The following ANPEP variants were observed in gnomAD, a reference collection of about 807,000 sequenced individuals.
ANPEP encodes aminopeptidase N.
In ANPEP, 70 loss-of-function variants were observed where a neutral mutation model predicts 114.6. The observed-to-expected ratio is 0.61, with a 90% CI of 0.50 to 0.75. The LOEUF is 0.75. Among genes scored for constraint, ANPEP ranks in the 30% least tolerant of loss-of-function variants. ANPEP has a pLI of 0.00. For missense variants in ANPEP, 1,184 were observed against 1,259.5 expected (o/e 0.94, Z 0.91); for synonymous variants, 548 against 522.3 (o/e 1.05, Z -0.67).
intron 20 of ANPEP, 109 bp downstream of exon 20, chr15:89,790,351 G>C: frequency 1.1e-6 from 1 of 917,260 alleles, no homozygotes; most frequent in South Asian, 1.4e-5. Context: ...AGGAAGGCCT[G>C]GCGGCGTGGA....
Position 89,791,014 on chromosome 15 carries a change from CGTT to C in ANPEP, c.2605_2607del (p.Asn869del). On this transcript the variant is annotated inframe_deletion, in exon 19 of 21. Transcript: ENST00000300060. ...TCCCAGACCAGACCTTGCCCAATGA[CGTT>C]GTTGGTAATGCTGATGATGGTAGAG... 6.2e-7 allele frequency: 1 copy of C among 1,614,208 alleles called. No homozygotes were observed. The highest frequency in any genetic ancestry group is 8.5e-7 in the Non-Finnish European group (1 of 1,180,038).
At chr15:89,797,399 C>A (rs1024113668) in intron 15 of ANPEP, 176 bp downstream of exon 15, 6 of 923,196 alleles carry the variant, frequency 6.5e-6, no homozygotes, top group Non-Finnish European at 9.4e-6. Context: ...CTTTCACCTG[C>A]GTGCTCTCAG....
Position 89,805,466 on chromosome 15 carries a change from G to A in ANPEP, c.615-3C>T. ...GCATCTGTGTAGTGGCCACCACCCT[G>A]CCCCAACAGGAAGGTTAGAGGGTGT... On this transcript the variant is annotated splice_region_variant and splice_polypyrimidine_tract_variant and intron_variant, in intron 2 of 20. Coordinates refer to ENST00000300060, the MANE Select transcript of ANPEP (RefSeq NM_001150.3). 6 of 1,613,944 alleles carry A rather than the reference G, an allele frequency of 3.7e-6. No individual in the cohort carries two copies. The highest frequency in any genetic ancestry group is 5.1e-6 in the Non-Finnish European group (6 of 1,179,954).
intron 20 of ANPEP, among the ~76,000 whole-genome samples, chr15:89,790,058 C>CAAAA (rs563239419): frequency 9.0e-6 from 1 of 110,662 alleles, no homozygotes; most frequent in South Asian, 3.0e-4. Context: ...GACTCCATCT[C>CAAAA]AAAAAAAAAA....
At chr15:89,786,383 C>T (rs1968506970) in intron 20 of ANPEP, among the ~76,000 whole-genome samples, 1 of 109,630 alleles carries the variant, frequency 9.1e-6, no homozygotes, top group Non-Finnish European at 1.8e-5. Flanking sequence ...AAAATTTTAA[C>T]TACTTTTTTT....
intron 1 of ANPEP, among the ~76,000 whole-genome samples, chr15:89,814,209 G>T (rs1459271016): frequency 6.6e-6 from 1 of 152,220 alleles, no homozygotes; most frequent in African/African-American, 2.4e-5. Context: ...GGGAGAACGC[G>T]ACTGTAACGC....
In ANPEP at chr15:89,790,942, C is replaced by G. The variant is rs750853759; in HGVS notation, c.2669+11G>C. ...CGCTCGCTGTCCCTGACACCCATTC[C>G]ACAGACTCACTCGTTAAAAAGCTTC... On this transcript the variant is annotated intron_variant, in intron 19 of 20. Transcript: ENST00000300060. The G allele has an allele frequency of 1.9e-6, 3 of 1,613,408 alleles. No homozygotes were observed. The highest frequency in any genetic ancestry group is 2.2e-5 in the South Asian group (2 of 90,962).
intron 20 of ANPEP, among the ~76,000 whole-genome samples, chr15:89,787,774 T>C (rs1156828350): frequency 2.0e-5 from 3 of 152,166 alleles, no homozygotes; most frequent in Non-Finnish European, 2.9e-5. Context: ...AAGGACAACC[T>C]AGGCAACATA....
Position 89,792,192 on chromosome 15 carries a change from C to T in ANPEP, c.2496G>A (p.Leu832=), listed in dbSNP as rs1968641352. The T allele has an allele frequency of 6.2e-7, 1 of 1,614,180 alleles. No homozygotes were observed. The highest frequency in any genetic ancestry group is 8.5e-7 in the Non-Finnish European group (1 of 1,180,024). ...VNEADKLRAA[L]ACSKELWILN... ...GGATCCACAACTCTTTGCTGCAGGC[C>T]AGGGCTGCCCGGAGCTTGTCAGCCT... The change falls in exon 18 of 21, where the codon CTG becomes CTA. Residue 832 remains leucine (L), a synonymous_variant. Coordinates refer to ENST00000300060, the MANE Select transcript of ANPEP (RefSeq NM_001150.3).
At chr15:89,800,968 G>A (rs1180485944) in intron 12 of ANPEP, 143 bp downstream of exon 12, 7 of 695,424 alleles carry the variant, frequency 1.0e-5, no homozygotes, top group East Asian at 5.4e-5. Flanking sequence ...GTCACACAGC[G>A]AAGCAGCAGC....
chr15:89,814,172 G>T (rs1010072606), intron 1 of ANPEP, among the ~76,000 whole-genome samples: 1 of 152,326 alleles, frequency 6.6e-6, no homozygotes, highest in Admixed American at 6.5e-5. Flanking sequence ...TCCATGCCCC[G>T]GCATCTTGGC....
At position 89,805,237 on chromosome 15, in the gene ANPEP, G is replaced by C. The variant is rs763760598; in HGVS notation, c.758-20C>G. 1.2e-6 allele frequency: 2 copies of C among 1,614,192 alleles called. No homozygotes were observed. Among genetic ancestry groups the C allele is most frequent in the Non-Finnish European group, 1.7e-6 (2 of 1,180,008 alleles). ...TGGGACCTGGGCAGGGAGCATGTGT[G>C]TGTGAGGACGTACCCTCCTGCCCCA... On this transcript the variant is annotated intron_variant, in intron 3 of 20. Transcript: ENST00000300060.
rs1894546890 is a variant in ANPEP, at chr15:89,799,702, G to A, written c.1820-143C>T. The A allele has an allele frequency of 2.4e-6, 3 of 1,254,474 alleles. No homozygotes were observed. Among genetic ancestry groups the A allele is most frequent in the Non-Finnish European group, 3.3e-6 (3 of 900,780 alleles). 77.7% of individuals were successfully genotyped at this position (1,254,474 alleles called of 1,614,324 possible). ...GGAGACGCTAAGGGTGGGGAAGGAA[G>A]GGATGAGGAACTGGGCTGCCAGTGG... On this transcript the variant is annotated intron_variant, in intron 12 of 20. Transcript: ENST00000300060. The surrounding 1 kb of genome is among the most constrained non-coding windows in gnomAD (Gnocchi z 4.2).
At chr15:89,791,864 G>C (rs1432185745) in intron 18 of ANPEP, among the ~76,000 whole-genome samples, 1 of 152,128 alleles carries the variant, frequency 6.6e-6, no homozygotes, top group Admixed American at 6.6e-5. Flanking sequence ...TGTTTGAAAA[G>C]ACCCAGGTCC....
In ANPEP at chr15:89,806,745, G is replaced by T; in HGVS notation, c.-162C>A. 1 of 1,154,350 alleles carries T rather than the reference G, an allele frequency of 8.7e-7. No homozygotes were observed. The allele number at this position is 1,154,350 out of a possible 1,614,324, so 71.5% of individuals were successfully genotyped here. A position where few individuals can be genotyped will look rare whatever the true frequency, so the allele number is the denominator to read the frequency against. The stretch of plus-strand genomic sequence containing the variant: ...GCGAAGGTCACTGGACTGGGCAGGG[G>T]CACGCTCCGCCTGGGGAGAGGAGAT... On this transcript the variant is annotated 5_prime_UTR_variant, in exon 2 of 21. Transcript: ENST00000300060. The surrounding 1 kb of genome is among the most constrained non-coding windows in gnomAD (Gnocchi z 5.7).
chr15:89,813,995 G>C (rs71405667), intron 1 of ANPEP, among the ~76,000 whole-genome samples: 2,361 of 146,218 alleles, frequency 0.016, 107 homozygotes, highest in Non-Finnish European at 0.023. Context: ...CACTGCTGGG[G>C]GGGGGGGGTG....
rs769471292 is a variant in ANPEP at position 89,805,977 on chromosome 15, C to T, written c.607G>A (p.Val203Ile). Residue 203 changes from valine (V) to isoleucine (I), a missense_variant, in exon 2 of 21, where the codon GTC becomes ATC. By Grantham distance (29) the Val-to-Ile change is conservative. Coordinates refer to ENST00000300060, the MANE Select transcript of ANPEP (RefSeq NM_001150.3). ...FYRSEYMEGN[V>I]RKVVATTQMQ... ...AGCCCAGCCGGAACTCACTTTCTGA[C>T]ATTGCCCTCCATGTACTCGCTGCGG... 1.9e-6 allele frequency: 3 copies of T among 1,585,770 alleles called. No homozygotes were observed. Among genetic ancestry groups the T allele is most frequent in the Non-Finnish European group, 8.6e-7 (1 of 1,161,502 alleles).
At chr15:89,787,322 G>C (rs1968526240) in intron 20 of ANPEP, among the ~76,000 whole-genome samples, 2 of 152,178 alleles carry the variant, frequency 1.3e-5, no homozygotes, top group South Asian at 4.1e-4. Flanking sequence ...TGGGATTACA[G>C]GCGTGAGCCG....
Position 89,795,082 on chromosome 15 carries a change from G to A in ANPEP, c.2158-1956C>T, listed in dbSNP as rs1968703455. Among the ~76,000 whole-genome samples, 4 of 129,400 alleles carry A rather than the reference G, an allele frequency of 3.1e-5. No homozygotes were observed. The South Asian group carries it at 7.7e-4, about 25-fold the overall frequency. The allele number at this position is 129,400 out of a possible 152,430, so 84.9% of individuals were successfully genotyped here. ...ACAAACACAAAACTCAAGAGGAAAC[G>A]AGTCAATGGAAAAAAAAAAAAAAAG... On this transcript the variant is annotated intron_variant, in intron 15 of 20. Coordinates refer to ENST00000300060, the MANE Select transcript of ANPEP (RefSeq NM_001150.3).
Sources: allele counts gnomAD v4.1 joint callset (sites outside exome capture counted in the v4.1 genomes callset), GRCh38; gene constraint gnomAD v4.1.1; non-coding constraint Gnocchi (gnomAD v3.1); transcripts MANE v1.5; gene names NCBI Gene and HGNC (gene_info 2026-07-23, HGNC 2026-07-21).